Variants in ANKRD30B observed in about 807,000 individuals in gnomAD.
ANKRD30B encodes ankyrin repeat domain 30B, also known as ankyrin repeat domain-containing protein 30B.
A neutral mutation model predicts 202.2 loss-of-function variants in ANKRD30B; 144 were observed. The observed-to-expected ratio is 0.71, with a 90% CI of 0.62 to 0.82. The LOEUF (loss-of-function observed/expected upper bound fraction) is 0.82. Ranked by LOEUF, ANKRD30B falls within the 40% of genes least tolerant of loss-of-function variation. The pLI, the probability that ANKRD30B is intolerant of heterozygous loss-of-function variation, is 0.00. For synonymous variants in ANKRD30B, 508 were observed against 561.3 expected, an observed-to-expected ratio of 0.91 and a Z score of 1.34; for missense variants, 1,487 against 1,669.1, an observed-to-expected ratio of 0.89 and a Z score of 1.90.
chr18:14,765,152 A>G (rs1166170265), intron 7 of ANKRD30B, among the ~76,000 whole-genome samples: 1 of 152,122 alleles, frequency 6.6e-6, no homozygotes, highest in East Asian at 1.9e-4. Context: ...TTTTCCTGTA[A>G]AGTGCCAGAT....
chr18:14,866,150 C>T, the ANKRD30B span, among the ~76,000 whole-genome samples: 5 of 152,282 alleles, frequency 3.3e-5, no homozygotes, highest in African/African-American at 9.6e-5. Flanking sequence ...CGTAACCCCA[C>T]GTGCATGCTG....
the ANKRD30B span, among the ~76,000 whole-genome samples, chr18:14,896,240 C>T: frequency 3.3e-5 from 5 of 151,638 alleles, no homozygotes; most frequent in Non-Finnish European, 5.9e-5. Flanking sequence ...TGTGCCATTT[C>T]CCTGCCTCAG....
the ANKRD30B span, among the ~76,000 whole-genome samples, chr18:14,911,215 G>T: frequency 1.3e-5 from 2 of 151,946 alleles, no homozygotes; most frequent in Non-Finnish European, 2.9e-5. Flanking sequence ...ACATCCAAAA[G>T]AGTTTTTCCT....
chr18:14,811,556 A>G (rs1295902330), intron 28 of ANKRD30B, among the ~76,000 whole-genome samples: 1 of 144,220 alleles, frequency 6.9e-6, no homozygotes, highest in African/African-American at 2.6e-5. Flanking sequence ...GAAGTAACCA[A>G]TATTCTAAAC....
At chr18:14,875,869 C>CA in the ANKRD30B span, among the ~76,000 whole-genome samples, 2 of 152,158 alleles carry the variant, frequency 1.3e-5, no homozygotes, top group Non-Finnish European at 2.9e-5. Context: ...TGCGTTTCTT[C>CA]ATCTGGGCAA....
rs1369815412 is a variant in ANKRD30B at position 14,851,760 on chromosome 18, A to G, written c.3816A>G (p.Ala1272=). The change falls in exon 42 of 44, where the codon GCA becomes GCG. Residue 1272 remains alanine (A), a synonymous_variant. Transcript: ENST00000690538. ...GAGAGCAGCTTAAAGTTCTGACGGC[A>G]GAGAACACGATGCTGACTTCTAAAT... ...QYREQLKVLT[A]ENTMLTSKLK... is the part of the protein sequence containing the mutation. The G allele has an allele frequency of 1.3e-6, 2 of 1,552,858 alleles. No homozygotes were observed. The highest frequency in any genetic ancestry group is 8.8e-7 in the Non-Finnish European group (1 of 1,138,004).
chr18:14,912,087 C>T, the ANKRD30B span, among the ~76,000 whole-genome samples: 6 of 152,122 alleles, frequency 3.9e-5, no homozygotes, highest in Non-Finnish European at 8.8e-5. Flanking sequence ...TTGGCTTCCT[C>T]TTTTCTAGTT....
chr18:14,848,744 T>C lies in ANKRD30B; in HGVS notation c.3210T>C (p.Asp1070=), dbSNP rs1339021947. 3 of 1,558,804 alleles carry C rather than the reference T, an allele frequency of 1.9e-6. No individual in the cohort carries two copies. The change falls in exon 40 of 44, where the codon GAT becomes GAC. Residue 1070 remains aspartate, a synonymous_variant. Transcript: ENST00000690538. The stretch of plus-strand genomic sequence containing the variant: ...CAACTACCCTATCAAAAATCTTGGA[T>C]GCACTTCCTTCTTGTGAAAGAGGAA... ...ADSTTLSKIL[D]ALPSCERGRE... is the part of the protein sequence containing the mutation.
intron 20 of ANKRD30B, among the ~76,000 whole-genome samples, chr18:14,798,782 G>T (rs1391642236): frequency 6.6e-6 from 1 of 152,104 alleles, no homozygotes; most frequent in Non-Finnish European, 1.5e-5. Flanking sequence ...CAGGCTCTCT[G>T]CAGGGGGTAG....
At position 14,784,384 on chromosome 18, in the gene ANKRD30B, C is replaced by G. The variant is rs907609107; in HGVS notation, c.1599+20C>G. ...TTCAAGGTATTTAGTTTTATGGTTT[C>G]ATTTTGAATGACTTATTAACTATGT... On this transcript the variant is annotated intron_variant, in intron 13 of 43. Coordinates refer to ENST00000690538, the MANE Select transcript of ANKRD30B (RefSeq NM_001367607.2). The G allele has an allele frequency of 3.1e-6, 5 of 1,612,602 alleles. No homozygotes were observed. The Admixed American group carries it at 6.7e-5, about 22-fold the overall frequency.
chr18:14,861,214 A>T, the ANKRD30B span, among the ~76,000 whole-genome samples: 1 of 152,226 alleles, frequency 6.6e-6, no homozygotes, highest in African/African-American at 2.4e-5. Context: ...AAAGCAATTA[A>T]ACAATTGAGA....
chr18:14,924,319 G>A, the ANKRD30B span, among the ~76,000 whole-genome samples: 3 of 152,218 alleles, frequency 2.0e-5, no homozygotes, highest in Non-Finnish European at 2.9e-5. Flanking sequence ...CCCTGGCTAC[G>A]GAGCTAGCAA....
At chr18:14,789,613 A>C (rs1014249474) in intron 15 of ANKRD30B, among the ~76,000 whole-genome samples, 14 of 152,312 alleles carry the variant, frequency 9.2e-5, no homozygotes, top group African/African-American at 1.7e-4. Flanking sequence ...CCATATGGCT[A>C]GCCAGTTTTC....
chr18:14,815,513 T>A (rs1176630256), intron 30 of ANKRD30B, among the ~76,000 whole-genome samples: 1 of 151,952 alleles, frequency 6.6e-6, no homozygotes, highest in African/African-American at 2.4e-5. Context: ...GAAGAGTAAT[T>A]GGATAGAGGG....
Position 14,848,809 on chromosome 18 carries a change from A to C in ANKRD30B, c.3275A>C (p.Lys1092Thr). 8 of 1,579,400 alleles carry C rather than the reference A, an allele frequency of 5.1e-6. No homozygotes were observed. Among genetic ancestry groups the C allele is most frequent in the Non-Finnish European group, 6.9e-6 (8 of 1,161,526 alleles). ...GATAACTGTGAACAAATTACAGCAA[A>C]AATGGAACAAACGAAAAATAAGTTT... ...KKDNCEQITA[K>T]MEQTKNKFCV... The change falls in exon 40 of 44, where the codon AAA (lysine) becomes ACA (threonine). Residue 1092 changes from lysine (K) to threonine (T), a missense_variant. Lys to Thr is a moderately conservative substitution (Grantham distance 78). This residue lies in a region of ANKRD30B where 177 missense variants were observed against 216.4 expected (regional missense o/e 0.82). Transcript: ENST00000690538.
At chr18:14,829,622 A>C (rs1302135708) in intron 33 of ANKRD30B, among the ~76,000 whole-genome samples, 1 of 152,210 alleles carries the variant, frequency 6.6e-6, no homozygotes, top group Non-Finnish European at 1.5e-5. Context: ...AGGACCAAAA[A>C]CACAGAAGAC....
At chr18:14,881,171 A>C in the ANKRD30B span, among the ~76,000 whole-genome samples, 1 of 152,170 alleles carries the variant, frequency 6.6e-6, no homozygotes, top group African/African-American at 2.4e-5. Flanking sequence ...CCAGTTCTCA[A>C]AGGGAATGCT....
the ANKRD30B span, among the ~76,000 whole-genome samples, chr18:14,882,123 T>C: frequency 2.0e-5 from 3 of 152,218 alleles, no homozygotes; most frequent in African/African-American, 7.2e-5. Flanking sequence ...AGTTCTGCTC[T>C]GATCTTGGTT....
At chr18:14,918,189 G>A in the ANKRD30B span, among the ~76,000 whole-genome samples, 8 of 152,034 alleles carry the variant, frequency 5.3e-5, no homozygotes, top group African/African-American at 1.7e-4. Flanking sequence ...ATTATTTCTT[G>A]CCTGGAAGAC....
Sources: allele counts gnomAD v4.1 joint callset (sites outside exome capture counted in the v4.1 genomes callset), GRCh38; gene constraint gnomAD v4.1.1; regional missense constraint gnomAD v4.1.1; transcripts MANE v1.5; gene names NCBI Gene and HGNC (gene_info 2026-07-23, HGNC 2026-07-21).